The following LMO7 variants were observed in gnomAD, a reference collection of about 807,000 sequenced individuals.
The protein encoded by LMO7 is LIM domain only protein 7.
In LMO7, 120 loss-of-function variants were observed where a neutral mutation model predicts 206.5. That is an observed-to-expected ratio of 0.58 (90% confidence interval 0.50 to 0.68). The LOEUF is 0.68. LMO7 is among the 30% of genes least tolerant of loss of function. LMO7 has a pLI of 0.00. For missense variants in LMO7, 1,959 were observed against 1,957.9 expected (o/e 1.00, Z -0.01); for synonymous variants, 706 against 681.5 (o/e 1.04, Z -0.56).
chr13:75,819,124 G>A (rs552990665), intron 12 of LMO7, among the ~76,000 whole-genome samples: 1 of 152,286 alleles, frequency 6.6e-6, no homozygotes, highest in East Asian at 1.9e-4. Flanking sequence ...CAAGCATTTA[G>A]CATTCTTTAT....
chr13:75,809,327 C>A, intron 11 of LMO7, 144 bp downstream of exon 11: 1 of 662,834 alleles, frequency 1.5e-6, no homozygotes, highest in South Asian at 2.1e-5. Flanking sequence ...GTTTATCTTG[C>A]AACCTAATGG....
At chr13:75,709,200 T>C (rs138603936) in intron 1 of LMO7, among the ~76,000 whole-genome samples, 78 of 152,366 alleles carry the variant, frequency 5.1e-4, no homozygotes, top group African/African-American at 1.8e-3. Context: ...TCTATGATTG[T>C]TGGACATTTG....
upstream of LMO7, among the ~76,000 whole-genome samples, chr13:75,635,643 A>T (rs746562): frequency 6.6e-6 from 1 of 151,898 alleles, no homozygotes; most frequent in Non-Finnish European, 1.5e-5. Context: ...TCGAACCCTC[A>T]GCCGCGAGCC....
chr13:75,793,692 G>A lies in LMO7; in HGVS notation c.318-1709G>A, dbSNP rs1401947516. Among the ~76,000 whole-genome samples the A allele has an allele frequency of 3.3e-5, 5 of 152,198 alleles. No individual in the cohort carries two copies. In the East Asian group the frequency reaches 7.7e-4, roughly 23 times the overall value. ...TTACTTTTTTGAAGGATAATATACA[G>A]AAAAGTATACATATTACAAATGTAC... On this transcript the variant is annotated intron_variant, in intron 4 of 30. Transcript: ENST00000377534.
intron 1 of LMO7, among the ~76,000 whole-genome samples, chr13:75,638,429 T>C (rs1027037665): frequency 2.0e-5 from 3 of 152,228 alleles, no homozygotes; most frequent in Admixed American, 6.5e-5. Flanking sequence ...GTGGTCTGTT[T>C]TCACTCTCAT....
intron 1 of LMO7, among the ~76,000 whole-genome samples, chr13:75,623,114 G>T (rs1199710787): frequency 4.6e-5 from 7 of 152,054 alleles, no homozygotes; most frequent in Admixed American, 2.0e-4. Flanking sequence ...CTCTTTTGGG[G>T]ACCAGCATTT....
intron 1 of LMO7, among the ~76,000 whole-genome samples, chr13:75,654,876 C>CTCTT (rs1555288249): frequency 7.1e-6 from 1 of 141,152 alleles, no homozygotes; most frequent in Admixed American, 7.1e-5. Context: ...TCTCTTCTCT[C>CTCTT]TTTTTTTTTT....
intron 25 of LMO7, among the ~76,000 whole-genome samples, chr13:75,844,423 T>G (rs900816456): frequency 6.6e-6 from 1 of 151,558 alleles, no homozygotes; most frequent in Admixed American, 6.6e-5. Flanking sequence ...TTCTTTTTTT[T>G]TTTTGAGACG....
chr13:75,787,577 A>G (rs1168313994), intron 4 of LMO7, among the ~76,000 whole-genome samples: 1 of 152,198 alleles, frequency 6.6e-6, no homozygotes, highest in Admixed American at 6.5e-5. Flanking sequence ...TTGAATTTCT[A>G]AGTTTTTTTC....
Position 75,853,364 on chromosome 13 carries a change from A to G in LMO7, c.4637A>G (p.Gln1546Arg). ...TPRSHSPSASQSGSQLRNRSV... is the reference protein window; with the variant it reads ...TPRSHSPSASRSGSQLRNRSV... The stretch of plus-strand genomic sequence containing the variant: ...AGAAGCCATTCCCCTTCAGCTTCAC[A>G]GTCAGGCTCTCAGCTGCGTAACAGG... The change falls in exon 28 of 31, where the codon CAG (glutamine) becomes CGG (arginine). Residue 1546 changes from glutamine to arginine, a missense_variant. Coordinates refer to ENST00000377534, the MANE Select transcript of LMO7 (RefSeq NM_001306080.2). 6.2e-7 allele frequency: 1 copy of G among 1,610,186 alleles called. No individual in the cohort carries two copies. Among genetic ancestry groups the G allele is most frequent in the Non-Finnish European group, 8.5e-7 (1 of 1,177,968 alleles).
At chr13:75,741,078 A>G (rs527527163) in intron 3 of LMO7, among the ~76,000 whole-genome samples, 1 of 152,334 alleles carries the variant, frequency 6.6e-6, no homozygotes, top group Non-Finnish European at 1.5e-5. Context: ...AGTGAATGTT[A>G]AAGGATATCA....
chr13:75,691,714 A>G (rs2041492120), intron 1 of LMO7, among the ~76,000 whole-genome samples: 1 of 152,074 alleles, frequency 6.6e-6, no homozygotes, highest in Non-Finnish European at 1.5e-5. Context: ...CTTCCAGACA[A>G]TTAGCCTGAA....
intron 7 of LMO7, 30 bp from the exon 8 acceptor site, chr13:75,804,259 G>A (rs553582955): frequency 1.2e-4 from 191 of 1,600,554 alleles, no homozygotes; most frequent in Non-Finnish European, 1.6e-4. Flanking sequence ...AATCTGGAGA[G>A]TAAAGCAAAT....
Position 75,803,578 on chromosome 13 carries a change from C to G in LMO7, c.662-711C>G, listed in dbSNP as rs77079945. On this transcript the variant is annotated intron_variant, in intron 7 of 30. Transcript: ENST00000377534. ...AAAGCAGATTACTATTTGTATCTATCTGACCTTGAGGAGTATCAAAGGGTG... is the reference window on the plus strand; with the variant it reads ...AAAGCAGATTACTATTTGTATCTATGTGACCTTGAGGAGTATCAAAGGGTG... Among the ~76,000 whole-genome samples the G allele has an allele frequency of 8.1e-3, 1,238 of 152,304 alleles. 22 individuals carry two copies. The highest frequency in any genetic ancestry group is 0.028 in the African/African-American group (1,157 of 41,566).
chr13:75,800,557 A>C (rs372320116), intron 6 of LMO7, 127 bp from the exon 7 acceptor site: 2 of 786,050 alleles, frequency 2.5e-6, no homozygotes. Flanking sequence ...TCCGACAGAG[A>C]AACCTCATGC....
Position 75,841,775 on chromosome 13 carries a change from G to A in LMO7, c.3823G>A (p.Glu1275Lys), listed in dbSNP as rs763727409. ...AGEEERRQPQ[E>K]EVVHEDQGKK... ...AGAAGAGGAGAGGAGACAGCCACAA[G>A]AGGAAGTTGTTCATGAGGACCAAGG... Residue 1275 changes from glutamate to lysine, a missense_variant, in exon 24 of 31, where the codon GAG becomes AAG. Glu to Lys is a moderately conservative substitution (Grantham distance 56). Coordinates refer to ENST00000377534, the MANE Select transcript of LMO7 (RefSeq NM_001306080.2). 5 of 1,614,094 alleles carry A rather than the reference G, an allele frequency of 3.1e-6. No homozygotes were observed. In the Admixed American group the frequency reaches 5.0e-5, roughly 16 times the overall value.
chr13:75,728,559 C>T (rs1187458441), intron 3 of LMO7, among the ~76,000 whole-genome samples: 3 of 142,566 alleles, frequency 2.1e-5, no homozygotes, highest in African/African-American at 8.1e-5. Flanking sequence ...TGAAAATTTT[C>T]TCCCATTTTG....
At chr13:75,735,116 CGTGTGTGT>C (rs112512807) in intron 3 of LMO7, among the ~76,000 whole-genome samples, 4 of 145,662 alleles carry the variant, frequency 2.7e-5, no homozygotes, top group Non-Finnish European at 3.0e-5. Flanking sequence ...AAAAAAATTA[CGTGTGTGT>C]GTGTGTGTGT....
At chr13:75,729,059 G>A (rs550719657) in intron 3 of LMO7, among the ~76,000 whole-genome samples, 32 of 152,200 alleles carry the variant, frequency 2.1e-4, no homozygotes, top group Middle Eastern at 3.4e-3. Context: ...GTCAGGTAGC[G>A]TGATGCCTCC....
Sources: allele counts gnomAD v4.1 joint callset (sites outside exome capture counted in the v4.1 genomes callset), GRCh38; gene constraint gnomAD v4.1.1; transcripts MANE v1.5; gene names NCBI Gene and HGNC (gene_info 2026-07-23, HGNC 2026-07-21).